Variants in ZFPM1 observed in about 807,000 individuals in gnomAD.
ZFPM1 encodes the protein zinc finger protein, FOG family member 1, also known as zinc finger protein ZFPM1.
Under a neutral mutation model 46.3 loss-of-function variants are expected in ZFPM1, and 28 were observed. The ratio of observed to expected loss-of-function variants is 0.60; its 90% confidence interval spans 0.45 to 0.83. The LOEUF is 0.83. Among genes scored for constraint, ZFPM1 ranks in the 40% least tolerant of loss-of-function variants. The pLI is 0.00. For missense variants in ZFPM1, 1,878 were observed against 1,432.4 expected (o/e 1.31, Z -5.02); for synonymous variants, 957 against 675.9 (o/e 1.42, Z -6.45).
rs1471815894 is a variant in ZFPM1 at position 88,536,890 on chromosome 16, G to A, written c.*1911G>A. The A allele has an allele frequency of 6.6e-6, 1 of 152,240 alleles. No homozygotes were observed. Among genetic ancestry groups the A allele is most frequent in the Non-Finnish European group, 1.5e-5 (1 of 68,048 alleles). 9.4% of individuals were successfully genotyped at this position (152,240 alleles called of 1,614,324 possible). A position where few individuals can be genotyped will look rare whatever the true frequency, so the allele number is the denominator to read the frequency against. Reference sequence around the variant, plus strand: ...TTGTTGTGCATGAATTTGCGTGGAGGGTTCAGGAGGCTCTGCCCCCAAGTC... The same window carrying A: ...TTGTTGTGCATGAATTTGCGTGGAGAGTTCAGGAGGCTCTGCCCCCAAGTC... On this transcript the variant is annotated 3_prime_UTR_variant, in exon 10 of 10. Transcript: ENST00000319555.
chr16:88,490,898 TGGGGGTTCC>T, intron 3 of ZFPM1, among the ~76,000 whole-genome samples: 1 of 152,084 alleles, frequency 6.6e-6, no homozygotes, highest in Non-Finnish European at 1.5e-5. Context: ...CCACAGATGG[TGGGGGTTCC>T]AGGCGCCATG....
intron 1 of ZFPM1, among the ~76,000 whole-genome samples, chr16:88,459,882 C>A (rs1301793526): frequency 4.0e-5 from 6 of 149,062 alleles, no homozygotes; most frequent in Admixed American, 1.3e-4. Flanking sequence ...TCCCTCTTCC[C>A]AAGCTGTCTC....
intron 3 of ZFPM1, among the ~76,000 whole-genome samples, chr16:88,504,964 T>G (rs1440389735): frequency 1.3e-5 from 2 of 152,196 alleles, no homozygotes; most frequent in Admixed American, 1.3e-4. Flanking sequence ...CTGCCCTCCT[T>G]GCTATTCCCA....
At chr16:88,461,151 G>A (rs147397780) in intron 1 of ZFPM1, among the ~76,000 whole-genome samples, 21 of 75,588 alleles carry the variant, frequency 2.8e-4, no homozygotes, top group African/African-American at 1.1e-3. Context: ...GGTGAGGACC[G>A]AGGGGCGGGA....
chr16:88,534,877 C>CCGGTACTGCCGTCTTTGCAACAT lies in ZFPM1; in HGVS notation c.2921_2943dup (p.Lys982GlyfsTer32). On this transcript the variant is annotated frameshift_variant, in exon 10 of 10. Coordinates refer to ENST00000319555, the MANE Select transcript of ZFPM1 (RefSeq NM_153813.3). LOFTEE classifies it high-confidence loss of function. ...CGGCGCCGCTGCCCAACGGCAACCACCGGTACTGCCGTCTTTGCAACATCA... is the reference window on the plus strand; with the variant it reads ...CGGCGCCGCTGCCCAACGGCAACCACCGGTACTGCCGTCTTTGCAACATCGGTACTGCCGTCTTTGCAACATCA... The CCGGTACTGCCGTCTTTGCAACAT allele has an allele frequency of 1.3e-6, 2 of 1,568,602 alleles. No homozygotes were observed. Among genetic ancestry groups the CCGGTACTGCCGTCTTTGCAACAT allele is most frequent in the Non-Finnish European group, 1.7e-6 (2 of 1,162,582 alleles).
intron 1 of ZFPM1, among the ~76,000 whole-genome samples, chr16:88,456,661 C>T (rs778736897): frequency 3.3e-5 from 5 of 152,034 alleles, no homozygotes; most frequent in South Asian, 2.1e-4. Flanking sequence ...CCACTGCTGT[C>T]GGGGGAGCAA....
At chr16:88,465,045 G>A (rs1002952675) in intron 1 of ZFPM1, among the ~76,000 whole-genome samples, 1 of 149,812 alleles carries the variant, frequency 6.7e-6, no homozygotes, top group Non-Finnish European at 1.5e-5. Flanking sequence ...AGGGAGGAGG[G>A]TGAGGAGGAT....
chr16:88,534,162 C>T lies in ZFPM1; in HGVS notation c.2204C>T (p.Ala735Val). The change falls in exon 10 of 10, where the codon GCC becomes GTC. Residue 735 changes from alanine (A) to valine (V), a missense_variant. Ala to Val is a moderately conservative substitution (Grantham distance 64, BLOSUM62 0). Coordinates refer to ENST00000319555, the MANE Select transcript of ZFPM1 (RefSeq NM_153813.3). ...GCCGCGCCCCCGGCCCCCTCTCCCG[C>T]CGCGCCTGTGCGCACGCGCAGACGC... is the stretch of plus-strand genomic sequence containing the variant. ...GPAAPPAPSP[A>V]APVRTRRRRK... 1.0e-6 allele frequency: 1 copy of T among 998,936 alleles called. No homozygotes were observed. The allele number at this position is 998,936 out of a possible 1,614,324, so 61.9% of individuals were successfully genotyped here.
rs946419882 is a variant in ZFPM1 at position 88,497,245 on chromosome 16, C to T, written c.268+8092C>T. Among the ~76,000 whole-genome samples, 1 of 151,484 alleles carries T rather than the reference C, an allele frequency of 6.6e-6. No homozygotes were observed. Among genetic ancestry groups the T allele is most frequent in the Middle Eastern group, 3.4e-3 (1 of 294 alleles). On this transcript the variant is annotated intron_variant, in intron 3 of 9. Transcript: ENST00000319555. This position sits in a 1 kb window ranked among gnomAD's most constrained non-coding sequence, Gnocchi z 5.4. ...GGCTGGGTGTGAGAGATGGGAGGGGCGGCAGGTGGACGGCCCCAGCCCCAG... is the reference window on the plus strand; with the variant it reads ...GGCTGGGTGTGAGAGATGGGAGGGGTGGCAGGTGGACGGCCCCAGCCCCAG...
Position 88,489,970 on chromosome 16 carries a change from C to T in ZFPM1, c.268+817C>T, listed in dbSNP as rs538388112. 1.8e-3 allele frequency among the ~76,000 whole-genome samples: 271 copies of T among 150,576 alleles called. 1 individual carries two copies. The highest frequency in any genetic ancestry group is 5.4e-3 in the African/African-American group (222 of 40,926). On this transcript the variant is annotated intron_variant, in intron 3 of 9. Transcript: ENST00000319555. ...GGCCCAGCAGAGGCGGGGTGGGGGT[C>T]GCAAGGTCCCCCGTGGAGGAGGGAC... is the stretch of plus-strand genomic sequence containing the variant.
At chr16:88,523,798 G>A (rs915502958) in intron 4 of ZFPM1, among the ~76,000 whole-genome samples, 9 of 152,244 alleles carry the variant, frequency 5.9e-5, no homozygotes, top group Middle Eastern at 3.4e-3. Context: ...GTTCCCTCCC[G>A]GGTCGGGGGC....
At chr16:88,454,578 CT>C (rs1253562811) in intron 1 of ZFPM1, among the ~76,000 whole-genome samples, 1 of 152,276 alleles carries the variant, frequency 6.6e-6, no homozygotes, top group Non-Finnish European at 1.5e-5. Flanking sequence ...CGGTCAGAGG[CT>C]GCTGCCCCGC....
At chr16:88,461,137 ACCTGGTG>A (rs1907844636) in intron 1 of ZFPM1, among the ~76,000 whole-genome samples, 2 of 34,260 alleles carry the variant, frequency 5.8e-5, no homozygotes, top group African/African-American at 4.0e-4. Context: ...GGGGCGGGAG[ACCTGGTG>A]AGGACCGAGG....
intron 3 of ZFPM1, among the ~76,000 whole-genome samples, chr16:88,498,847 C>T (rs1219141364): frequency 6.6e-6 from 1 of 152,218 alleles, no homozygotes; most frequent in Non-Finnish European, 1.5e-5. Flanking sequence ...GACCCTGGGT[C>T]GTTGGCGTGG....
rs138985256 is a variant in ZFPM1 at position 88,528,174 on chromosome 16, C to T, written c.648C>T (p.His216=). The change falls in exon 6 of 10, where the codon CAC becomes CAT. Residue 216 remains histidine (H), a synonymous_variant. Coordinates refer to ENST00000319555, the MANE Select transcript of ZFPM1 (RefSeq NM_153813.3). The part of the protein sequence containing the change: ...PAEPTCPAPA[H]DLQLLPQQAG... Reference sequence around the variant, plus strand: ...AGCCCACGTGCCCGGCCCCTGCACACGACCTCCAGCTCCTGCCCCAGCAGG... The same window carrying T: ...AGCCCACGTGCCCGGCCCCTGCACATGACCTCCAGCTCCTGCCCCAGCAGG... 3,174 of 1,609,956 alleles carry T rather than the reference C, an allele frequency of 2.0e-3. 8 individuals carry two copies. Among genetic ancestry groups the T allele is most frequent in the Non-Finnish European group, 2.6e-3 (3,028 of 1,179,324 alleles).
intron 3 of ZFPM1, among the ~76,000 whole-genome samples, chr16:88,510,829 C>T (rs1316322265): frequency 1.3e-5 from 2 of 152,198 alleles, no homozygotes; most frequent in Admixed American, 6.5e-5. Context: ...CTTAACCTCT[C>T]GGATCTGTCT....
At chr16:88,494,693 C>A (rs376960642) in intron 3 of ZFPM1, among the ~76,000 whole-genome samples, 244 of 152,174 alleles carry the variant, frequency 1.6e-3, no homozygotes, top group African/African-American at 5.7e-3. Flanking sequence ...GGGGGCGAGG[C>A]GGGCGTGGAC....
chr16:88,505,872 G>T (rs1567543385), intron 3 of ZFPM1, among the ~76,000 whole-genome samples: 1 of 152,008 alleles, frequency 6.6e-6, no homozygotes, highest in East Asian at 1.9e-4. Context: ...CGCCGGCAGG[G>T]CCCCCCCATG....
At chr16:88,461,731 G>C (rs1907900590) in intron 1 of ZFPM1, among the ~76,000 whole-genome samples, 2 of 152,144 alleles carry the variant, frequency 1.3e-5, no homozygotes, top group South Asian at 4.1e-4. Context: ...AGGTTTTGAA[G>C]GGAGGAGGGA....
Sources: gnomAD v4.1 joint callset for allele counts (sites outside exome capture counted in the v4.1 genomes callset) on GRCh38, gnomAD v4.1.1 for gene constraint, Gnocchi (gnomAD v3.1) non-coding constraint, MANE v1.5 for transcripts, NCBI Gene and HGNC (gene_info 2026-07-23, HGNC 2026-07-21) for gene names.